Variants in STRADB observed in about 807,000 individuals in gnomAD.
STRADB encodes the protein STE20 related adaptor beta.
STRADB carries 34 observed loss-of-function variants against 52.1 expected under a neutral mutation model. That is an observed-to-expected ratio of 0.65 (90% CI 0.50 to 0.87). STRADB has a LOEUF of 0.87. Ranked by LOEUF, STRADB falls within the 40% of genes least tolerant of loss-of-function variation. The pLI is 0.00. For synonymous variants in STRADB, 133 were observed against 174.5 expected (o/e 0.76, Z 1.87); for missense variants, 340 against 483.9 (o/e 0.70, Z 2.79).
chr2:201,461,552 G>C (rs1165749202), intron 3 of STRADB, among the ~76,000 whole-genome samples: 1 of 151,882 alleles, frequency 6.6e-6, no homozygotes, highest in African/African-American at 2.4e-5. Context: ...TTTTAAATTG[G>C]ATTGTTTGAG....
At chr2:201,474,492 T>C in intron 5 of STRADB, 155 bp from the exon 6 acceptor site, 1 of 565,478 alleles carries the variant, frequency 1.8e-6, no homozygotes, top group Non-Finnish European at 3.0e-6. Flanking sequence ...TCACATACTT[T>C]GTGGAGTGGT....
chr2:201,464,339 C>G (rs912498691), intron 3 of STRADB, among the ~76,000 whole-genome samples: 2 of 152,230 alleles, frequency 1.3e-5, no homozygotes, highest in East Asian at 1.9e-4. Flanking sequence ...GTGACTCTTG[C>G]AGACTCACAG....
At chr2:201,474,605 C>T in intron 5 of STRADB, 42 bp from the exon 6 acceptor site, 1 of 1,547,894 alleles carries the variant, frequency 6.5e-7, no homozygotes, top group South Asian at 1.2e-5. Context: ...AAGGAAAAAA[C>T]AGTTGTTTTT....
At chr2:201,451,984 T>TG (rs1420151462) in intron 1 of STRADB, 46 bp downstream of exon 1, 1 of 152,430 alleles carries the variant, frequency 6.6e-6, no homozygotes, top group Non-Finnish European at 1.5e-5. Context: ...TCGGGGCCGG[T>TG]GGGGGACGTG....
rs1272418284 is a variant in STRADB at position 201,477,303 on chromosome 2, A to G, written c.549-316A>G. 3.9e-5 allele frequency among the ~76,000 whole-genome samples: 6 copies of G among 152,056 alleles called. No homozygotes were observed. The South Asian group carries it at 1.2e-3, about 32-fold the overall frequency. ...ATGGCCTCGATCTCCTGACCTCGTG[A>G]TCTGCCCGCCTCAGCCTCCCAAAGT... On this transcript the variant is annotated intron_variant, in intron 7 of 11. Transcript: ENST00000194530.
In STRADB at chr2:201,479,520, T is replaced by C; in HGVS notation, c.1102T>C (p.Phe368Leu). 6.2e-7 allele frequency: 1 copy of C among 1,603,456 alleles called. No individual in the cohort carries two copies. Among genetic ancestry groups the C allele is most frequent in the Non-Finnish European group, 8.5e-7 (1 of 1,177,696 alleles). The change falls in exon 11 of 12, where the codon TTC becomes CTC. Residue 368 changes from phenylalanine to leucine, a missense_variant. Physicochemically the swap from Phe to Leu is conservative, Grantham distance 22 (BLOSUM62 0). Coordinates refer to ENST00000194530, the MANE Select transcript of STRADB (RefSeq NM_018571.6). ...PSASSLLSHV[F>L]FKQMKEESQD... ...AGCAAGCAGTTTATTGTCCCATGTT[T>C]TCTTCAAACAGGTGAGCTGATCTAT...
chr2:201,469,297 T>G (rs964978478), intron 3 of STRADB, among the ~76,000 whole-genome samples: 1 of 152,202 alleles, frequency 6.6e-6, no homozygotes, highest in Non-Finnish European at 1.5e-5. Context: ...ATGAAGCCAG[T>G]AGTTTAGGCT....
At chr2:201,476,358 C>CTTT (rs199596100) in intron 7 of STRADB, among the ~76,000 whole-genome samples, 1,331 of 131,582 alleles carry the variant, frequency 0.01, 22 homozygotes, top group African/African-American at 0.035. Context: ...TTTTGTCTTA[C>CTTT]TTTTTTTTTT....
At chr2:201,479,642 T>A in intron 11 of STRADB, 111 bp downstream of exon 11, 1 of 1,075,560 alleles carries the variant, frequency 9.3e-7, no homozygotes, top group Non-Finnish European at 1.3e-6. Flanking sequence ...TACTAATAAC[T>A]TTGTTACAAA....
chr2:201,460,909 G>GTTTTT (rs57250433), intron 3 of STRADB: 4 of 138,498 alleles, frequency 2.9e-5, no homozygotes, highest in Non-Finnish European at 4.6e-5. Flanking sequence ...TCATATGGTA[G>GTTTTT]TTTTTTTTTT....
At chr2:201,453,159 A>C (rs1464740159) in intron 1 of STRADB, among the ~76,000 whole-genome samples, 1 of 152,042 alleles carries the variant, frequency 6.6e-6, no homozygotes, top group Non-Finnish European at 1.5e-5. Flanking sequence ...CCCCATAGGG[A>C]CAACCCTTTT....
rs1398767892 is a variant in STRADB at position 201,480,280 on chromosome 2, T to C, written c.*105T>C. The C allele has an allele frequency of 2.8e-5, 43 of 1,547,702 alleles. No homozygotes were observed. In the South Asian group the frequency reaches 4.6e-4, roughly 17 times the overall value. On this transcript the variant is annotated 3_prime_UTR_variant, in exon 12 of 12. Transcript: ENST00000194530. ...ACCAGAATTATACTTGAAAATACAGTTGGTGCACTGGAGAATCTATTATTT... is the reference window on the plus strand; with the variant it reads ...ACCAGAATTATACTTGAAAATACAGCTGGTGCACTGGAGAATCTATTATTT...
Position 201,478,068 on chromosome 2 carries a change from A to C in STRADB, c.721-19A>C. ...AACTTATTTGCACTAAAAGACTTCA[A>C]ATTAATTGTGTCCTACAGGATTTAC... On this transcript the variant is annotated intron_variant, in intron 8 of 11. Transcript: ENST00000194530. 6.3e-7 allele frequency: 1 copy of C among 1,583,436 alleles called. No homozygotes were observed. Among genetic ancestry groups the C allele is most frequent in the African/African-American group, 1.4e-5 (1 of 73,668 alleles).
intron 4 of STRADB, among the ~76,000 whole-genome samples, chr2:201,472,072 C>T (rs1952398529): frequency 6.6e-6 from 1 of 152,140 alleles, no homozygotes; most frequent in African/African-American, 2.4e-5. Flanking sequence ...AGATGCCACT[C>T]TAGGTGTTTT....
intron 1 of STRADB, among the ~76,000 whole-genome samples, chr2:201,454,095 A>G (rs1952091719): frequency 6.6e-6 from 1 of 152,238 alleles, no homozygotes; most frequent in Admixed American, 6.5e-5. Context: ...GATGTTGGTT[A>G]GATGTAAAGG....
At position 201,480,447 on chromosome 2, in the gene STRADB, T is replaced by TATC. The variant is rs1460304359; in HGVS notation, c.*273_*275dup. The TATC allele has an allele frequency of 8.6e-7, 1 of 1,165,238 alleles. No homozygotes were observed. Among genetic ancestry groups the TATC allele is most frequent in the African/African-American group, 1.6e-5 (1 of 63,208 alleles). 72.2% of individuals were successfully genotyped at this position (1,165,238 alleles called of 1,614,324 possible). A position where few individuals can be genotyped will look rare whatever the true frequency, so the allele number is the denominator to read the frequency against. On this transcript the variant is annotated 3_prime_UTR_variant, in exon 12 of 12. Transcript: ENST00000194530. Reference sequence around the variant, plus strand: ...TTTCTAAGCTGTGACTAACTCTTTTTATCTCTCAATATAATTTTTGAGCCA... The same window carrying TATC: ...TTTCTAAGCTGTGACTAACTCTTTTTATCATCTCTCAATATAATTTTTGAGCCA...
At position 201,473,703 on chromosome 2, in the gene STRADB, T is replaced by C. The variant is rs575597181; in HGVS notation, c.315+627T>C. On this transcript the variant is annotated intron_variant, in intron 5 of 11. Coordinates refer to ENST00000194530, the MANE Select transcript of STRADB (RefSeq NM_018571.6). The stretch of plus-strand genomic sequence containing the variant: ...TACTCCTAGTCAGTCCCATCCTAAA[T>C]AGTCACATAGGGAAATGGAAGAAAT... 1.1e-4 allele frequency among the ~76,000 whole-genome samples: 16 copies of C among 152,230 alleles called. No individual in the cohort carries two copies. In the South Asian group the frequency reaches 3.3e-3, roughly 32 times the overall value.
At chr2:201,458,885 G>A in intron 3 of STRADB, 21 bp downstream of exon 3, 1 of 1,604,604 alleles carries the variant, frequency 6.2e-7, no homozygotes, top group Non-Finnish European at 8.5e-7. Flanking sequence ...GGTTAGGCTG[G>A]ATGCAGTGGT....
At chr2:201,478,003 C>T (rs1246664907) in intron 8 of STRADB, 84 bp from the exon 9 acceptor site, 2 of 1,286,198 alleles carry the variant, frequency 1.6e-6, no homozygotes, top group African/African-American at 3.0e-5. Flanking sequence ...TATTGTTCAC[C>T]ATTCTTTATC....
Sources: allele counts gnomAD v4.1 joint callset (sites outside exome capture counted in the v4.1 genomes callset), GRCh38; gene constraint gnomAD v4.1.1; transcripts MANE v1.5; gene names NCBI Gene and HGNC (gene_info 2026-07-23, HGNC 2026-07-21).